Variants in TOX observed in about 807,000 individuals in gnomAD.
The protein encoded by TOX is thymocyte selection associated high mobility group box.
In TOX, 11 loss-of-function variants were observed where a neutral mutation model predicts 53.7. The observed-to-expected ratio is 0.20, with a 90% CI of 0.13 to 0.34. The LOEUF (loss-of-function observed/expected upper bound fraction) is 0.34, where lower values mean the gene tolerates loss of function less well. Ranked by LOEUF, TOX falls within the 10% of genes least tolerant of loss-of-function variation. TOX has a pLI of 1.00. For missense variants in TOX, 570 were observed against 664.6 expected (o/e 0.86, Z 1.56); for synonymous variants, 225 against 245.3 (o/e 0.92, Z 0.77).
At chr8:58,835,609 T>C (rs1382649804) in intron 5 of TOX, among the ~76,000 whole-genome samples, 5 of 152,228 alleles carry the variant, frequency 3.3e-5, no homozygotes, top group Non-Finnish European at 7.3e-5. Context: ...AGGAACTATC[T>C]GATTTTCATC....
At chr8:59,028,548 T>C (rs1814287061) in intron 1 of TOX, among the ~76,000 whole-genome samples, 1 of 151,990 alleles carries the variant, frequency 6.6e-6, no homozygotes, top group Non-Finnish European at 1.5e-5. Context: ...GATATTTAGA[T>C]AGATAGATAC....
At chr8:58,965,403 T>C (rs1432807599) in intron 1 of TOX, among the ~76,000 whole-genome samples, 2 of 152,236 alleles carry the variant, frequency 1.3e-5, no homozygotes, top group Non-Finnish European at 2.9e-5. Context: ...AACTAGGTAG[T>C]TATTATTTCT....
At chr8:58,964,093 C>A (rs1385670236) in intron 1 of TOX, among the ~76,000 whole-genome samples, 1 of 151,696 alleles carries the variant, frequency 6.6e-6, no homozygotes, top group Non-Finnish European at 1.5e-5. Flanking sequence ...ACAACAACAA[C>A]AAAAAAGAAT....
chr8:58,889,107 A>C (rs1811519534), intron 3 of TOX, among the ~76,000 whole-genome samples: 1 of 151,884 alleles, frequency 6.6e-6, no homozygotes, highest in Admixed American at 6.6e-5. Context: ...TATCTATTAA[A>C]ATTACAAATG....
intron 6 of TOX, among the ~76,000 whole-genome samples, chr8:58,817,325 T>G (rs1585841173): frequency 6.6e-6 from 1 of 151,990 alleles, no homozygotes; most frequent in East Asian, 1.9e-4. Flanking sequence ...ATGCAAAAAT[T>G]TTAAGGGGAG....
intron 1 of TOX, among the ~76,000 whole-genome samples, chr8:58,973,647 G>T (rs187470928): frequency 3.9e-5 from 6 of 152,250 alleles, no homozygotes; most frequent in African/African-American, 1.4e-4. Flanking sequence ...TTATTTAGAA[G>T]GTTATTAGCA....
intron 1 of TOX, among the ~76,000 whole-genome samples, chr8:59,105,382 T>C (rs1489237028): frequency 6.6e-6 from 1 of 152,110 alleles, no homozygotes; most frequent in Non-Finnish European, 1.5e-5. Flanking sequence ...GTAAATAGAT[T>C]TTTTCCTTGC....
chr8:59,022,525 G>A (rs1216646289), intron 1 of TOX, among the ~76,000 whole-genome samples: 1 of 152,120 alleles, frequency 6.6e-6, no homozygotes, highest in African/African-American at 2.4e-5. Flanking sequence ...ATTCAGCTCC[G>A]TAATTCTTGC....
chr8:59,023,427 G>A (rs991113064), intron 1 of TOX, among the ~76,000 whole-genome samples: 5 of 146,064 alleles, frequency 3.4e-5, no homozygotes, highest in African/African-American at 1.3e-4. Flanking sequence ...GTCAGTCTCT[G>A]AATTTTACAG....
intron 3 of TOX, among the ~76,000 whole-genome samples, chr8:58,885,414 T>C (rs530366188): frequency 6.6e-6 from 1 of 152,230 alleles, no homozygotes; most frequent in African/African-American, 2.4e-5. Flanking sequence ...CTTTTCTGGA[T>C]AGCTTTAAAC....
At chr8:59,052,922 C>T (rs999033676) in intron 1 of TOX, among the ~76,000 whole-genome samples, 6 of 151,812 alleles carry the variant, frequency 4.0e-5, no homozygotes, top group Admixed American at 2.0e-4. Context: ...AACCAAATAA[C>T]GAAAAATGAA....
chr8:59,115,984 G>A (rs1476965874), intron 1 of TOX, among the ~76,000 whole-genome samples: 1 of 152,082 alleles, frequency 6.6e-6, no homozygotes, highest in Non-Finnish European at 1.5e-5. Context: ...AGCAGTGCCG[G>A]AAAGTGTCAG....
rs138364111 is a variant in TOX at position 58,854,746 on chromosome 8, G to C, written c.412-2941C>G. ...AGCACAAATGAGGGAGCATATCTGT[G>C]TCTTCAGTCCTCAGATACACTTACA... On this transcript the variant is annotated intron_variant, in intron 3 of 8. Coordinates refer to ENST00000361421, the MANE Select transcript of TOX (RefSeq NM_014729.3). Among the ~76,000 whole-genome samples, 574 of 152,226 alleles carry C rather than the reference G, an allele frequency of 3.8e-3. 3 individuals are homozygous for C. Among genetic ancestry groups the C allele is most frequent in the African/African-American group, 0.012 (501 of 41,528 alleles).
rs1377492101 is a variant in TOX at position 58,808,273 on chromosome 8, A to G, written c.1393-4T>C. The G allele has an allele frequency of 6.2e-7, 1 of 1,602,344 alleles. No individual in the cohort carries two copies. The highest frequency in any genetic ancestry group is 8.5e-7 in the Non-Finnish European group (1 of 1,176,302). On this transcript the variant is annotated splice_region_variant and splice_polypyrimidine_tract_variant and intron_variant, in intron 7 of 8. Coordinates refer to ENST00000361421, the MANE Select transcript of TOX (RefSeq NM_014729.3). ...AGTCGGGTTGAAGAGTAAATCCCTG[A>G]AAGGGAAAGCAAGTCCGCAAATAAG...
chr8:59,085,648 A>G (rs1321358580), intron 1 of TOX, among the ~76,000 whole-genome samples: 1 of 152,194 alleles, frequency 6.6e-6, no homozygotes, highest in Non-Finnish European at 1.5e-5. Flanking sequence ...TTGGCCTTCC[A>G]TTGTTCTGGC....
intron 1 of TOX, among the ~76,000 whole-genome samples, chr8:59,075,136 A>G (rs1804269115): frequency 6.6e-6 from 1 of 152,244 alleles, no homozygotes; most frequent in Admixed American, 6.5e-5. Context: ...TTAACCCTCA[A>G]GGATCAGAAG....
chr8:58,818,271 T>C (rs1810213322), intron 6 of TOX, among the ~76,000 whole-genome samples: 1 of 152,198 alleles, frequency 6.6e-6, no homozygotes, highest in South Asian at 2.1e-4. Flanking sequence ...GAATAACTAT[T>C]GGCAAACTCA....
chr8:59,046,858 C>CAAAAAAAAAAAA (rs34869193), intron 1 of TOX, among the ~76,000 whole-genome samples: 449 of 77,778 alleles, frequency 5.8e-3, no homozygotes, highest in African/African-American at 6.2e-3. Flanking sequence ...GACTATGTCT[C>CAAAAAAAAAAAA]AAAAAAAAAA....
At chr8:59,029,367 A>T (rs1472464904) in intron 1 of TOX, among the ~76,000 whole-genome samples, 1 of 152,112 alleles carries the variant, frequency 6.6e-6, no homozygotes, top group Non-Finnish European at 1.5e-5. Context: ...TAAGTAATTT[A>T]TGTTGGATTA....
Sources: gnomAD v4.1 joint callset for allele counts (sites outside exome capture counted in the v4.1 genomes callset) on GRCh38, gnomAD v4.1.1 for gene constraint, MANE v1.5 for transcripts, NCBI Gene and HGNC (gene_info 2026-07-23, HGNC 2026-07-21) for gene names.